Variants in RELL1 observed in about 807,000 individuals in gnomAD.
RELL1 encodes RELT like 1.
Under a neutral mutation model 23.0 loss-of-function variants are expected in RELL1, and 10 were observed. That is an observed-to-expected ratio of 0.43 (90% CI 0.27 to 0.74). The LOEUF is 0.74. RELL1 is among the 30% of genes least tolerant of loss of function. The pLI is 0.19. For missense variants in RELL1, 315 were observed against 364.4 expected, an observed-to-expected ratio of 0.86 and a Z score of 1.10; for synonymous variants, 146 against 146.8, an observed-to-expected ratio of 0.99 and a Z score of 0.04.
chr4:37,605,440 T>C (rs1280401929), intron 6 of RELL1, among the ~76,000 whole-genome samples: 9 of 152,134 alleles, frequency 5.9e-5, no homozygotes. Context: ...GAGAATCTTG[T>C]GGTGCCAGAA....
chr4:37,589,735 G>A (rs956642904), downstream of RELL1, among the ~76,000 whole-genome samples: 3 of 152,112 alleles, frequency 2.0e-5, no homozygotes, highest in African/African-American at 4.8e-5. Context: ...AGGTTCAAGC[G>A]ATTCTCCTAT....
At chr4:37,591,112 C>A in exon 7 of RELL1, 1 of 867,534 alleles carries the variant, frequency 1.2e-6, no homozygotes, top group Non-Finnish European at 1.8e-6. Flanking sequence ...TGCAGCCTTA[C>A]CAGTTGTTTA....
downstream of RELL1, among the ~76,000 whole-genome samples, chr4:37,586,902 T>C (rs903351328): frequency 6.6e-6 from 1 of 152,166 alleles, no homozygotes; most frequent in African/African-American, 2.4e-5. Flanking sequence ...AGAGTGAGGC[T>C]CTGTCTCAAA....
In RELL1 at chr4:37,610,737, T is replaced by C. The variant is rs1719346775; in HGVS notation, c.*2609A>G. Among the ~76,000 whole-genome samples the C allele has an allele frequency of 6.6e-6, 1 of 152,110 alleles. No homozygotes were observed. Among genetic ancestry groups the C allele is most frequent in the Admixed American group, 6.6e-5 (1 of 15,264 alleles). On this transcript the variant is annotated 3_prime_UTR_variant, in exon 7 of 7. Coordinates refer to ENST00000454158, the MANE Select transcript of RELL1 (RefSeq NM_001085400.2). The surrounding 1 kb of genome is among the most constrained non-coding windows in gnomAD (Gnocchi z 4.1). ...CACTTGACACTCGAAATGGTGAAAA[T>C]TTTCCTTACAAATTTTTACATCAAG...
At chr4:37,599,084 C>T (rs1235191629) in intron 6 of RELL1, among the ~76,000 whole-genome samples, 1 of 152,050 alleles carries the variant, frequency 6.6e-6, no homozygotes, top group Non-Finnish European at 1.5e-5. Context: ...GTGAGACAAC[C>T]CAATTTTGTA....
chr4:37,598,252 C>CAAAAAAAAAAAA (rs56142508), intron 6 of RELL1, among the ~76,000 whole-genome samples: 4 of 11,344 alleles, frequency 3.5e-4, no homozygotes, highest in East Asian at 1.3e-3. Flanking sequence ...AACTCTGTCT[C>CAAAAAAAAAAAA]AAAAAAAAAA....
intron 1 of RELL1, among the ~76,000 whole-genome samples, chr4:37,672,000 G>A (rs1231590996): frequency 1.3e-5 from 2 of 152,028 alleles, no homozygotes; most frequent in African/African-American, 4.8e-5. Context: ...TGGGGAGCAG[G>A]CACGAAAACA....
intron 1 of RELL1, among the ~76,000 whole-genome samples, chr4:37,667,983 AC>A (rs915545677): frequency 6.6e-6 from 1 of 152,160 alleles, no homozygotes; most frequent in Non-Finnish European, 1.5e-5. Flanking sequence ...TGAAAAAAAA[AC>A]ACATACAAAG....
chr4:37,624,390 G>A (rs1719867846), intron 6 of RELL1, among the ~76,000 whole-genome samples: 1 of 150,870 alleles, frequency 6.6e-6, no homozygotes, highest in Admixed American at 6.6e-5. Context: ...CCACCTCTTG[G>A]AAGAAGGAAA....
rs1223174500 is a variant in RELL1, at chr4:37,638,506, TA to T, written c.386-3del. On this transcript the variant is annotated splice_polypyrimidine_tract_variant and splice_region_variant and intron_variant, in intron 3 of 6. Transcript: ENST00000454158. ...TCGCCTTTAAGACATCAGCATTCGC[TA>T]AGGAATAAAAATAAAATTAAAGAAT... 3 of 1,607,372 alleles carry T rather than the reference TA, an allele frequency of 1.9e-6. No homozygotes were observed. Among genetic ancestry groups the T allele is most frequent in the Non-Finnish European group, 2.6e-6 (3 of 1,175,052 alleles).
chr4:37,630,364 T>TG (rs1033377004), intron 6 of RELL1, among the ~76,000 whole-genome samples: 27 of 113,326 alleles, frequency 2.4e-4, no homozygotes, highest in East Asian at 5.0e-4. Context: ...TGGTTTTTTT[T>TG]TTTTTTTTTT....
intron 1 of RELL1, among the ~76,000 whole-genome samples, chr4:37,663,796 T>C (rs1721437726): frequency 6.6e-6 from 1 of 152,104 alleles, no homozygotes; most frequent in Admixed American, 6.5e-5. Flanking sequence ...TAGTGACACA[T>C]GCATTTAGGT....
At chr4:37,674,114 G>A (rs1721935969) in intron 1 of RELL1, among the ~76,000 whole-genome samples, 1 of 152,098 alleles carries the variant, frequency 6.6e-6, no homozygotes, top group South Asian at 2.1e-4. Context: ...ATCCCACACA[G>A]CACTTTGTCT....
chr4:37,623,936 A>G (rs921223744), intron 6 of RELL1, among the ~76,000 whole-genome samples: 4 of 152,236 alleles, frequency 2.6e-5, no homozygotes, highest in Non-Finnish European at 5.9e-5. Context: ...AGAGAAAAAA[A>G]TAAACTAACT....
At chr4:37,633,329 A>G (rs1720205883) in intron 5 of RELL1, among the ~76,000 whole-genome samples, 1 of 146,544 alleles carries the variant, frequency 6.8e-6, no homozygotes, top group Non-Finnish European at 1.5e-5. Context: ...CAATCGTTTG[A>G]GCCCAGGAGG....
rs147390233 is a variant in RELL1, at chr4:37,615,729, G to T, written c.*4-2387C>A. On this transcript the variant is annotated intron_variant, in intron 6 of 6. Transcript: ENST00000454158. Reference sequence around the variant, plus strand: ...TCCATTACATGGAAAACAGAATTCAGAAATCCCAAAGTGTAACCATTTTGC... The same window carrying T: ...TCCATTACATGGAAAACAGAATTCATAAATCCCAAAGTGTAACCATTTTGC... Among the ~76,000 whole-genome samples, 36 of 152,314 alleles carry T rather than the reference G, an allele frequency of 2.4e-4. 1 individual carries two copies. The highest frequency in any genetic ancestry group is 6.8e-3 in the Middle Eastern group (2 of 294).
At chr4:37,670,004 C>T (rs1357879067) in intron 1 of RELL1, among the ~76,000 whole-genome samples, 8 of 150,336 alleles carry the variant, frequency 5.3e-5, no homozygotes, top group African/African-American at 1.5e-4. Flanking sequence ...GCCAAATCCC[C>T]CTCTGCGAGA....
intron 3 of RELL1, among the ~76,000 whole-genome samples, chr4:37,644,736 A>C (rs563612287): frequency 4.3e-4 from 65 of 152,248 alleles, no homozygotes; most frequent in African/African-American, 1.5e-3. Context: ...CTGGGATTAC[A>C]GGCATGAGCC....
At chr4:37,650,196 A>T (rs143675723) in intron 1 of RELL1, among the ~76,000 whole-genome samples, 21 of 152,326 alleles carry the variant, frequency 1.4e-4, no homozygotes, top group Non-Finnish European at 2.8e-4. Context: ...ACAGGCGGAG[A>T]TTTGTTGTCC....
Sources: gnomAD v4.1 joint callset for allele counts (sites outside exome capture counted in the v4.1 genomes callset) on GRCh38, gnomAD v4.1.1 for gene constraint, Gnocchi (gnomAD v3.1) non-coding constraint, MANE v1.5 for transcripts, NCBI Gene and HGNC (gene_info 2026-07-23, HGNC 2026-07-21) for gene names.